The following SYNPO2 variants were observed in gnomAD, a reference collection of about 807,000 sequenced individuals.
SYNPO2 encodes synaptopodin-2.
In SYNPO2, 56 loss-of-function variants were observed where a neutral mutation model predicts 85.0. The observed-to-expected ratio is 0.66, with a 90% CI of 0.53 to 0.82. SYNPO2 has a LOEUF of 0.82. Ranked by LOEUF, SYNPO2 falls within the 40% of genes least tolerant of loss-of-function variation. SYNPO2 has a pLI of 0.00. For synonymous variants in SYNPO2, 602 were observed against 591.1 expected (o/e 1.02, Z -0.27); for missense variants, 1,575 against 1,534.2 (o/e 1.03, Z -0.44).
At position 119,058,096 on chromosome 4, in the gene SYNPO2, GTA is replaced by G. The variant is rs1333454218; in HGVS notation, c.*164_*165del. On this transcript the variant is annotated 3_prime_UTR_variant, in exon 5 of 5. Coordinates refer to ENST00000307142, the MANE Select transcript of SYNPO2 (RefSeq NM_133477.3). ...TGTTTCTGTGTGTGTGTGTGTGTGT[GTA>G]TGTATGTGAATATACACACACACAC... 31 of 483,546 alleles carry G rather than the reference GTA, an allele frequency of 6.4e-5. No homozygotes were observed. In the East Asian group the frequency reaches 7.4e-4, roughly 12 times the overall value. The allele number at this position is 483,546 out of a possible 1,614,324, so 30.0% of individuals were successfully genotyped here.
intron 1 of SYNPO2, among the ~76,000 whole-genome samples, chr4:118,977,320 G>A (rs539241919): frequency 3.3e-5 from 5 of 152,266 alleles, no homozygotes; most frequent in African/African-American, 4.8e-5. Context: ...GCCCGAGGCC[G>A]CAGGGCTGGC....
chr4:118,878,839 C>A (rs1264306427), intron 1 of SYNPO2, among the ~76,000 whole-genome samples: 1 of 152,208 alleles, frequency 6.6e-6, no homozygotes, highest in Non-Finnish European at 1.5e-5. Context: ...AAGCTGGCCA[C>A]CCCAGCCAGC....
intron 4 of SYNPO2, among the ~76,000 whole-genome samples, chr4:119,053,440 G>C (rs1473376355): frequency 2.0e-5 from 3 of 152,178 alleles, no homozygotes; most frequent in Admixed American, 6.5e-5. Flanking sequence ...GTCAGTCTGG[G>C]GAAATGTAGA....
intron 1 of SYNPO2, among the ~76,000 whole-genome samples, chr4:118,930,998 A>G (rs549162268): frequency 6.6e-6 from 1 of 152,106 alleles, no homozygotes; most frequent in Non-Finnish European, 1.5e-5. Flanking sequence ...CACAGGGATG[A>G]CTCAGATTAA....
intron 1 of SYNPO2, among the ~76,000 whole-genome samples, chr4:118,931,211 A>G (rs894674518): frequency 2.6e-5 from 4 of 152,128 alleles, no homozygotes; most frequent in Non-Finnish European, 4.4e-5. Flanking sequence ...TCAGAAATTA[A>G]GGATTCATAA....
chr4:118,879,744 C>T (rs1462281842), intron 1 of SYNPO2, among the ~76,000 whole-genome samples: 1 of 152,174 alleles, frequency 6.6e-6, no homozygotes, highest in Non-Finnish European at 1.5e-5. Context: ...CATTTGCCTT[C>T]ACTGGTCACT....
chr4:119,025,387 A>T (rs901040279), intron 2 of SYNPO2, among the ~76,000 whole-genome samples: 3 of 152,216 alleles, frequency 2.0e-5, no homozygotes, highest in African/African-American at 7.2e-5. Context: ...ATACGATATT[A>T]TAATGTTGTA....
In SYNPO2 at chr4:119,031,400, C is replaced by A; in HGVS notation, c.2625C>A (p.Leu875=). Residue 875 remains leucine, a synonymous_variant, in exon 4 of 5, where the codon CTC becomes CTA. Transcript: ENST00000307142. ...LPGMSGRGAQ[L]FAKRQSRMEK... Reference sequence around the variant, plus strand: ...GAATGAGTGGGAGAGGAGCTCAGCTCTTTGCTAAAAGGCAGTCGAGAATGG... The same window carrying A: ...GAATGAGTGGGAGAGGAGCTCAGCTATTTGCTAAAAGGCAGTCGAGAATGG... The A allele has an allele frequency of 6.2e-7, 1 of 1,614,108 alleles. No homozygotes were observed. Among genetic ancestry groups the A allele is most frequent in the Non-Finnish European group, 8.5e-7 (1 of 1,180,034 alleles).
At position 118,889,132 on chromosome 4, in the gene SYNPO2, A is replaced by G. The variant is rs929218002; in HGVS notation, c.96A>G (p.Gln32=). 2.1e-5 allele frequency: 34 copies of G among 1,613,986 alleles called. No homozygotes were observed. The highest frequency in any genetic ancestry group is 2.6e-5 in the Non-Finnish European group (31 of 1,180,014). The part of the protein sequence containing the change: ...QGGKEQKQPL[Q]VAKIRNQSKA... ...GCAAGGAGCAGAAGCAGCCCTTACA[A>G]GTTGCAAAGGTAGGACCTGAACGAA... Residue 32 remains glutamine (Q), a synonymous_variant, in exon 1 of 5, where the codon CAA becomes CAG. Coordinates refer to ENST00000307142, the MANE Select transcript of SYNPO2 (RefSeq NM_133477.3).
chr4:119,032,306 T>C (rs981191038), intron 4 of SYNPO2: 7 of 1,343,308 alleles, frequency 5.2e-6, no homozygotes, highest in African/African-American at 2.9e-5. Context: ...TGTACCGTTA[T>C]ATTAAGTAAG....
intron 4 of SYNPO2, 58 bp from the exon 5 acceptor site, chr4:119,057,343 G>T: frequency 6.7e-7 from 1 of 1,482,842 alleles, no homozygotes; most frequent in South Asian, 1.4e-5. Context: ...ATACTTTGGA[G>T]TAACAATCAG....
intron 1 of SYNPO2, among the ~76,000 whole-genome samples, chr4:118,964,384 G>T (rs1406343756): frequency 1.3e-5 from 2 of 151,780 alleles, no homozygotes; most frequent in African/African-American, 4.8e-5. Context: ...CAGCTACTTG[G>T]GAGGCTGAGG....
intron 1 of SYNPO2, among the ~76,000 whole-genome samples, chr4:118,916,039 T>G (rs934439667): frequency 3.3e-5 from 5 of 152,182 alleles, no homozygotes; most frequent in Non-Finnish European, 7.3e-5. Context: ...AAGTACTTTA[T>G]ATAATTTTCA....
chr4:118,869,564 T>G (rs908836091), intron 1 of SYNPO2, among the ~76,000 whole-genome samples: 1 of 152,196 alleles, frequency 6.6e-6, no homozygotes, highest in African/African-American at 2.4e-5. Context: ...TTCAGTTAAC[T>G]CAAAGCCTGG....
chr4:118,878,970 C>G (rs756271900), intron 1 of SYNPO2, among the ~76,000 whole-genome samples: 1 of 152,222 alleles, frequency 6.6e-6, no homozygotes, highest in East Asian at 1.9e-4. Context: ...GTAACACTCA[C>G]TGCGAAGGTC....
At position 119,014,067 on chromosome 4, in the gene SYNPO2, A is replaced by G. The variant is rs112630116; in HGVS notation, c.106-9363A>G. On this transcript the variant is annotated intron_variant, in intron 1 of 4. Transcript: ENST00000307142. Reference sequence around the variant, plus strand: ...TTATGCATTTCAATCAACCCATCACAACAGATTGAATGCAGAAGCACATCT... The same window carrying G: ...TTATGCATTTCAATCAACCCATCACGACAGATTGAATGCAGAAGCACATCT... Among the ~76,000 whole-genome samples the G allele has an allele frequency of 6.6e-5, 10 of 152,336 alleles. 1 individual carries two copies. The highest frequency in any genetic ancestry group is 1.2e-4 in the African/African-American group (5 of 41,592).
rs1295017116 is a variant in SYNPO2, at chr4:119,027,209, A to G, written c.840A>G (p.Gly280=). The change falls in exon 3 of 5, where the codon GGA becomes GGG. Residue 280 remains glycine (G), a synonymous_variant. Coordinates refer to ENST00000307142, the MANE Select transcript of SYNPO2 (RefSeq NM_133477.3). Reference sequence around the variant, plus strand: ...AGGAAAGTGAAGCAGGAGATGCGGGACTGCCCCGGGTGGAAGTGATCCTCG... The same window carrying G: ...AGGAAAGTGAAGCAGGAGATGCGGGGCTGCCCCGGGTGGAAGTGATCCTCG... The part of the protein sequence containing the change: ...VIQESEAGDA[G]LPRVEVILDC... 1.9e-6 allele frequency: 3 copies of G among 1,614,006 alleles called. No individual in the cohort carries two copies. The highest frequency in any genetic ancestry group is 2.7e-5 in the African/African-American group (2 of 74,916).
intron 4 of SYNPO2, among the ~76,000 whole-genome samples, chr4:119,046,149 T>G (rs1738862044): frequency 6.6e-6 from 1 of 152,170 alleles, no homozygotes; most frequent in African/African-American, 2.4e-5. Context: ...ACAAATACAG[T>G]GTTTAGAACT....
chr4:119,039,485 T>C (rs1738640758), intron 4 of SYNPO2, among the ~76,000 whole-genome samples: 1 of 152,106 alleles, frequency 6.6e-6, no homozygotes, highest in South Asian at 2.1e-4. Flanking sequence ...CTCCAAGCAA[T>C]AGACATTTTT....
Sources: allele counts gnomAD v4.1 joint callset (sites outside exome capture counted in the v4.1 genomes callset), GRCh38; gene constraint gnomAD v4.1.1; transcripts MANE v1.5; gene names NCBI Gene and HGNC (gene_info 2026-07-23, HGNC 2026-07-21).